EPHA2: variants seen among roughly 807,000 people sequenced by gnomAD.
The protein encoded by EPHA2 is EPH receptor A2.
In EPHA2, 54 loss-of-function variants were observed where a neutral mutation model predicts 104.9. The ratio of observed to expected loss-of-function variants is 0.51; its 90% CI spans 0.41 to 0.65. EPHA2 has a LOEUF of 0.65. EPHA2 is among the 30% of genes least tolerant of loss of function. The probability of loss-of-function intolerance (pLI) is 0.00; values close to 1 mark genes in which losing one functional copy is unlikely to be tolerated. For missense variants in EPHA2, 1,117 were observed against 1,369.5 expected (o/e 0.82, Z 2.91); for synonymous variants, 560 against 559.1 (o/e 1.00, Z -0.02).
In EPHA2 at chr1:16,138,319, C is replaced by G. The variant is rs747103339; in HGVS notation, c.935G>C (p.Gly312Ala). 3.1e-6 allele frequency: 5 copies of G among 1,613,728 alleles called. No homozygotes were observed. Among genetic ancestry groups the G allele is most frequent in the South Asian group, 1.1e-5 (1 of 91,034 alleles). The change falls in exon 4 of 17, where the codon GGC (glycine) becomes GCC (alanine). Residue 312 changes from glycine to alanine, a missense_variant. Physicochemically the swap from Gly to Ala is moderately conservative, Grantham distance 60. This residue lies in a region of EPHA2 where 664 missense variants were observed against 784.8 expected (regional missense o/e 0.85). Coordinates refer to ENST00000358432, the MANE Select transcript of EPHA2 (RefSeq NM_004431.5). Reference sequence around the variant, plus strand: ...TGGGTCCTGAGGTGCCCGGAAGAAGCCTTCCTCACACTCGCAGGAGGTGGC... The same window carrying G: ...TGGGTCCTGAGGTGCCCGGAAGAAGGCTTCCTCACACTCGCAGGAGGTGGC... ...EGATSCECEE[G>A]FFRAPQDPAS...
intron 3 of EPHA2, among the ~76,000 whole-genome samples, chr1:16,145,651 G>A (rs1357387929): frequency 6.6e-6 from 1 of 152,086 alleles, no homozygotes; most frequent in Non-Finnish European, 1.5e-5. Flanking sequence ...GCCCTCTCCA[G>A]GACCCCTGCC....
Position 16,133,882 on chromosome 1 carries a change from C to T in EPHA2, c.1716G>A (p.Glu572=). Residue 572 remains glutamate, a synonymous_variant, in exon 9 of 17, where the codon GAG becomes GAA. Coordinates refer to ENST00000358432, the MANE Select transcript of EPHA2 (RefSeq NM_004431.5). ...CACCTGACTTGGAGAAGTAAACGTC[C>T]TCCGGGGACTGGCGGGCACGCTGGT... ...RKNQRARQSP[E]DVYFSKSEQL... is the part of the protein sequence containing the mutation. 1.3e-6 allele frequency: 2 copies of T among 1,550,676 alleles called. No individual in the cohort carries two copies. Among genetic ancestry groups the T allele is most frequent in the Non-Finnish European group, 1.7e-6 (2 of 1,146,416 alleles).
rs1463849129 is a variant in EPHA2 at position 16,134,500 on chromosome 1, C to T, written c.1650G>A (p.Val550=). Residue 550 remains valine (V), a synonymous_variant, in exon 8 of 17, where the codon GTG becomes GTA. Transcript: ENST00000358432. This position sits in a 1 kb window ranked among gnomAD's most constrained non-coding sequence, Gnocchi z 4.5. ...GVAVGVVLLL[V]LAGVGFFIHR... ...GGATAAAGAAGCCAACTCCTGCCAG[C>T]ACCAGAAGCAGGACCACACCGACAG... 30 of 1,614,122 alleles carry T rather than the reference C, an allele frequency of 1.9e-5. No homozygotes were observed. The highest frequency in any genetic ancestry group is 2.5e-5 in the Non-Finnish European group (29 of 1,180,024).
chr1:16,145,289 G>A (rs145451703), intron 3 of EPHA2, among the ~76,000 whole-genome samples: 8 of 152,312 alleles, frequency 5.3e-5, no homozygotes, highest in East Asian at 3.9e-4. Flanking sequence ...GGGGCAGGGC[G>A]GGGGAACCAA....
chr1:16,134,326 G>A lies in EPHA2; in HGVS notation c.1682+142C>T, dbSNP rs1054072746. Reference sequence around the variant, plus strand: ...GGCACTTCGCTACACACTCTAACTCGTATATCCTCGCACCATCCGGAGGCA... The same window carrying A: ...GGCACTTCGCTACACACTCTAACTCATATATCCTCGCACCATCCGGAGGCA... On this transcript the variant is annotated intron_variant, in intron 8 of 16. Coordinates refer to ENST00000358432, the MANE Select transcript of EPHA2 (RefSeq NM_004431.5). This position sits in a 1 kb window ranked among gnomAD's most constrained non-coding sequence, Gnocchi z 4.5. 13 of 961,080 alleles carry A rather than the reference G, an allele frequency of 1.4e-5. No individual in the cohort carries two copies. The highest frequency in any genetic ancestry group is 6.5e-5 in the African/African-American group (4 of 61,550). 59.5% of individuals were successfully genotyped at this position (961,080 alleles called of 1,614,324 possible).
chr1:16,140,024 G>A (rs932088365), intron 3 of EPHA2, among the ~76,000 whole-genome samples: 1 of 152,226 alleles, frequency 6.6e-6, no homozygotes, highest in Non-Finnish European at 1.5e-5. Context: ...AACTCTCAGG[G>A]ACAGAATCTG....
rs1206880016 is a variant in EPHA2 at position 16,134,855 on chromosome 1, CT to C, written c.1582+180del. Among the ~76,000 whole-genome samples the C allele has an allele frequency of 6.6e-6, 1 of 152,242 alleles. No homozygotes were observed. Among genetic ancestry groups the C allele is most frequent in the Non-Finnish European group, 1.5e-5 (1 of 68,042 alleles). Reference sequence around the variant, plus strand: ...AATCCACATCCCGGCTCCTCCACCCCTCAGCCTTCCATGCTTCCCCCTCCCC... The same window carrying C: ...AATCCACATCCCGGCTCCTCCACCCCCAGCCTTCCATGCTTCCCCCTCCCC... On this transcript the variant is annotated intron_variant, in intron 7 of 16. Coordinates refer to ENST00000358432, the MANE Select transcript of EPHA2 (RefSeq NM_004431.5). This position sits in a 1 kb window ranked among gnomAD's most constrained non-coding sequence, Gnocchi z 4.5.
intron 3 of EPHA2, among the ~76,000 whole-genome samples, chr1:16,138,888 A>G (rs2024771325): frequency 6.6e-6 from 1 of 152,086 alleles, no homozygotes; most frequent in South Asian, 2.1e-4. Flanking sequence ...CTTCTTGACC[A>G]TGTGTGTTTG....
intron 1 of EPHA2, chr1:16,153,251 G>C (rs565134887): frequency 2.0e-6 from 2 of 985,374 alleles, no homozygotes; most frequent in African/African-American, 1.7e-5. Flanking sequence ...CCCACTCCCG[G>C]TCTCCGGTCC....
At chr1:16,127,902 A>G (rs1290034210) in intron 16 of EPHA2, among the ~76,000 whole-genome samples, 5 of 152,176 alleles carry the variant, frequency 3.3e-5, no homozygotes, top group Non-Finnish European at 5.9e-5. Context: ...ACCCTGGGCT[A>G]TTTAGGGAAG....
Position 16,148,287 on chromosome 1 carries a change from T to G in EPHA2, c.823+91A>C. 94 of 1,520,042 alleles carry G rather than the reference T, an allele frequency of 6.2e-5. No individual in the cohort carries two copies. Among genetic ancestry groups the G allele is most frequent in the Non-Finnish European group, 8.2e-5 (90 of 1,103,498 alleles). 94.2% of individuals were successfully genotyped at this position (1,520,042 alleles called of 1,614,324 possible). The stretch of plus-strand genomic sequence containing the variant: ...GAACTAATGTGTGTCAAAGCAGGGA[T>G]GAGCTTACCAAGATTCCATGATTCC... On this transcript the variant is annotated intron_variant, in intron 3 of 16. Transcript: ENST00000358432. The surrounding 1 kb of genome is among the most constrained non-coding windows in gnomAD (Gnocchi z 4.9).
rs2124182666 is a variant in EPHA2 at position 16,125,283 on chromosome 1, G to A, written c.2863C>T (p.Gln955Ter). ...AGCAGGCTGTAGGCGATGCGCTTCTGGTGGCCGGGCAGCCGCACCCCAATC... is the reference window on the plus strand; with the variant it reads ...AGCAGGCTGTAGGCGATGCGCTTCTAGTGGCCGGGCAGCCGCACCCCAATC... ...KRIGVRLPGH[Q>*]KRIAYSLLGL... The change falls in exon 17 of 17, where the codon CAG becomes TAG. Residue 955 changes from glutamine to a stop codon, truncating the protein, a stop_gained. Transcript: ENST00000358432. LOFTEE classifies it high-confidence loss of function. The surrounding 1 kb of genome is among the most constrained non-coding windows in gnomAD (Gnocchi z 4.9). The A allele has an allele frequency of 6.2e-7, 1 of 1,613,848 alleles. No homozygotes were observed. The highest frequency in any genetic ancestry group is 8.5e-7 in the Non-Finnish European group (1 of 1,179,978).
chr1:16,135,831 G>C lies in EPHA2; in HGVS notation c.1313-61C>G. ...AGCTGCCTACGAGCAGGCAGGGTTT[G>C]GGGGGACAAGTGGACGTGGAGCCAC... is the stretch of plus-strand genomic sequence containing the variant. On this transcript the variant is annotated intron_variant, in intron 5 of 16. Transcript: ENST00000358432. The surrounding 1 kb of genome is among the most constrained non-coding windows in gnomAD (Gnocchi z 4.3). 1.2e-6 allele frequency: 1 copy of C among 804,980 alleles called. No individual in the cohort carries two copies. The highest frequency in any genetic ancestry group is 2.2e-6 in the Non-Finnish European group (1 of 454,384). The allele number at this position is 804,980 out of a possible 1,614,324, so 49.9% of individuals were successfully genotyped here. A position where few individuals can be genotyped will look rare whatever the true frequency, so the allele number is the denominator to read the frequency against.
chr1:16,137,118 C>G (rs1337218797), intron 5 of EPHA2, among the ~76,000 whole-genome samples: 2 of 151,786 alleles, frequency 1.3e-5, no homozygotes, highest in African/African-American at 4.8e-5. Flanking sequence ...CAATTATTAT[C>G]CCACTTTACA....
In EPHA2 at chr1:16,131,576, G is replaced by T; in HGVS notation, c.2475+145C>A. ...GCCTGGGCAACAAGAGCAAAACTCC[G>T]TCTCCAAAAAAAAAAAATAAACATT... On this transcript the variant is annotated intron_variant, in intron 14 of 16. Coordinates refer to ENST00000358432, the MANE Select transcript of EPHA2 (RefSeq NM_004431.5). This position sits in a 1 kb window ranked among gnomAD's most constrained non-coding sequence, Gnocchi z 5.2. The T allele has an allele frequency of 8.5e-7, 1 of 1,172,448 alleles. No individual in the cohort carries two copies. Among genetic ancestry groups the T allele is most frequent in the Non-Finnish European group, 1.2e-6 (1 of 850,556 alleles). The allele number at this position is 1,172,448 out of a possible 1,614,324, so 72.6% of individuals were successfully genotyped here.
chr1:16,134,373 C>A lies in EPHA2; in HGVS notation c.1682+95G>T. ...GGCAGGGATTAGACTCGACTAGCAT[C>A]CTGTGGGCCCCATCGTTCAGATGAG... On this transcript the variant is annotated intron_variant, in intron 8 of 16. Coordinates refer to ENST00000358432, the MANE Select transcript of EPHA2 (RefSeq NM_004431.5). This position sits in a 1 kb window ranked among gnomAD's most constrained non-coding sequence, Gnocchi z 4.5. The A allele has an allele frequency of 7.7e-7, 1 of 1,297,460 alleles. No homozygotes were observed. Among genetic ancestry groups the A allele is most frequent in the Non-Finnish European group, 1.1e-6 (1 of 907,732 alleles). The allele number at this position is 1,297,460 out of a possible 1,614,324, so 80.4% of individuals were successfully genotyped here.
chr1:16,150,364 G>C lies in EPHA2; in HGVS notation c.153+532C>G, dbSNP rs1540704. On this transcript the variant is annotated intron_variant, in intron 2 of 16. Coordinates refer to ENST00000358432, the MANE Select transcript of EPHA2 (RefSeq NM_004431.5). The surrounding 1 kb of genome is among the most constrained non-coding windows in gnomAD (Gnocchi z 4.8). ...CCCCCATTCCTGGTCACATCAGGAC[G>C]GCATAGAGGGGAAGACCTGGGTGAG... is the stretch of plus-strand genomic sequence containing the variant. Among the ~76,000 whole-genome samples, 1 of 152,174 alleles carries C rather than the reference G, an allele frequency of 6.6e-6. No individual in the cohort carries two copies. The highest frequency in any genetic ancestry group is 2.4e-5 in the African/African-American group (1 of 41,426).
rs1570390676 is a variant in EPHA2, at chr1:16,125,428, G to C, written c.2826-108C>G. ...GCGGCTGGGGAGGGGAGTGGAGGGA[G>C]GCAGAGGAGGAGGGTGGAGAGGGTG... On this transcript the variant is annotated intron_variant, in intron 16 of 16. Coordinates refer to ENST00000358432, the MANE Select transcript of EPHA2 (RefSeq NM_004431.5). The surrounding 1 kb of genome is among the most constrained non-coding windows in gnomAD (Gnocchi z 4.9). The C allele has an allele frequency of 1.3e-6, 1 of 785,560 alleles. No individual in the cohort carries two copies. The highest frequency in any genetic ancestry group is 2.0e-6 in the Non-Finnish European group (1 of 489,512). 48.7% of individuals were successfully genotyped at this position (785,560 alleles called of 1,614,324 possible). A position where few individuals can be genotyped will look rare whatever the true frequency, so the allele number is the denominator to read the frequency against.
chr1:16,125,778 C>T lies in EPHA2; in HGVS notation c.2826-458G>A, dbSNP rs1274560894. On this transcript the variant is annotated intron_variant, in intron 16 of 16. Transcript: ENST00000358432. This position sits in a 1 kb window ranked among gnomAD's most constrained non-coding sequence, Gnocchi z 4.9. ...AACAAATGCCTTCCCTCCCCTCACC[C>T]CTAGTCTGTTCCCAGTGCCCCCAGC... Among the ~76,000 whole-genome samples, 1 of 151,984 alleles carries T rather than the reference C, an allele frequency of 6.6e-6. No homozygotes were observed. Among genetic ancestry groups the T allele is most frequent in the East Asian group, 1.9e-4 (1 of 5,180 alleles).
Sources: allele counts gnomAD v4.1 joint callset (sites outside exome capture counted in the v4.1 genomes callset), GRCh38; gene constraint gnomAD v4.1.1; regional missense constraint gnomAD v4.1.1; non-coding constraint Gnocchi (gnomAD v3.1); transcripts MANE v1.5; gene names NCBI Gene and HGNC (gene_info 2026-07-23, HGNC 2026-07-21).